The following CHD7 variants were observed in gnomAD, a reference collection of about 807,000 sequenced individuals.
CHD7 encodes the protein chromodomain helicase DNA binding protein 7.
Under a neutral mutation model 307.3 loss-of-function variants are expected in CHD7, and 24 were observed. The ratio of observed to expected loss-of-function variants is 0.08; its 90% CI spans 0.06 to 0.11. CHD7 has a LOEUF of 0.11. Among genes scored for constraint, CHD7 ranks in the 10% least tolerant of loss-of-function variants. CHD7 has a pLI of 1.00. For missense variants in CHD7, 3,106 were observed against 3,727.1 expected, an observed-to-expected ratio of 0.83 and a Z score of 4.34; for synonymous variants, 1,363 against 1,349.9, an observed-to-expected ratio of 1.01 and a Z score of -0.21.
intron 6 of CHD7, among the ~76,000 whole-genome samples, chr8:60,807,353 G>C (rs1478736686): frequency 6.6e-6 from 1 of 152,138 alleles, no homozygotes; most frequent in African/African-American, 2.4e-5. Context: ...TTAGATCCCT[G>C]ATTTATCTGA....
chr8:60,683,828 G>A (rs1001716950), intron 1 of CHD7, among the ~76,000 whole-genome samples: 9 of 151,976 alleles, frequency 5.9e-5, no homozygotes, highest in Non-Finnish European at 1.2e-4. Flanking sequence ...GTACCTTTAG[G>A]CTTTAGAATC....
intron 15 of CHD7, among the ~76,000 whole-genome samples, chr8:60,832,179 G>A (rs1232022322): frequency 6.6e-6 from 1 of 151,876 alleles, no homozygotes; most frequent in African/African-American, 2.4e-5. Context: ...GCGCCACAAC[G>A]CCCAGCTAAT....
At chr8:60,747,756 C>G (rs1450223677) in intron 2 of CHD7, among the ~76,000 whole-genome samples, 2 of 152,206 alleles carry the variant, frequency 1.3e-5, no homozygotes, top group African/African-American at 4.8e-5. Flanking sequence ...GCTTTGGAGT[C>G]TGAGTTTTTG....
intron 2 of CHD7, among the ~76,000 whole-genome samples, chr8:60,765,751 G>C (rs1267019933): frequency 6.6e-6 from 1 of 152,244 alleles, no homozygotes; most frequent in Non-Finnish European, 1.5e-5. Context: ...TCAGCTTTCA[G>C]TGTGGTTCAC....
At chr8:60,708,183 A>T in intron 1 of CHD7, among the ~76,000 whole-genome samples, 1 of 152,290 alleles carries the variant, frequency 6.6e-6, no homozygotes, top group African/African-American at 2.4e-5. Flanking sequence ...TGAATCTGGG[A>T]TTATTTTTAC....
At chr8:60,848,996 C>A in intron 24 of CHD7, 55 bp from the exon 25 acceptor site, 1 of 1,345,030 alleles carries the variant, frequency 7.4e-7, no homozygotes. Context: ...GTATCACATT[C>A]ATTACTTGGA....
At chr8:60,854,619 A>G in intron 32 of CHD7, 96 bp downstream of exon 32, 1 of 1,117,720 alleles carries the variant, frequency 8.9e-7, no homozygotes, top group Non-Finnish European at 1.3e-6. Context: ...TTTAAGGTAA[A>G]CTTTTGACAC....
intron 1 of CHD7, among the ~76,000 whole-genome samples, chr8:60,711,119 C>T (rs1247582593): frequency 6.6e-6 from 1 of 152,148 alleles, no homozygotes; most frequent in African/African-American, 2.4e-5. Flanking sequence ...TGTACAAGTA[C>T]CTCTAAGATC....
At chr8:60,738,931 T>G (rs1197628614) in intron 1 of CHD7, among the ~76,000 whole-genome samples, 1 of 152,166 alleles carries the variant, frequency 6.6e-6, no homozygotes, top group African/African-American at 2.4e-5. Flanking sequence ...AGGATCAGTA[T>G]GGGTACTCTC....
chr8:60,750,898 G>A (rs1809610024), intron 2 of CHD7, among the ~76,000 whole-genome samples: 1 of 152,214 alleles, frequency 6.6e-6, no homozygotes, highest in Admixed American at 6.5e-5. Flanking sequence ...CTCCAAGACA[G>A]GTGTTACCCA....
intron 2 of CHD7, among the ~76,000 whole-genome samples, chr8:60,775,353 T>TA (rs1007655140): frequency 4.6e-5 from 2 of 43,116 alleles, no homozygotes; most frequent in Non-Finnish European, 2.6e-4. Flanking sequence ...TATATGCTTA[T>TA]ACTACTTTAT....
At chr8:60,862,030 G>GT (rs1290605376) in intron 35 of CHD7, 166 bp from the exon 36 acceptor site, 4 of 567,238 alleles carry the variant, frequency 7.1e-6, no homozygotes, top group Admixed American at 3.7e-5. Context: ...TAAAATAGGA[G>GT]TTTTTTCTTT....
Position 60,841,913 on chromosome 8 carries a change from G to A in CHD7, c.4711G>A (p.Asp1571Asn). 2.5e-6 allele frequency: 4 copies of A among 1,611,588 alleles called. No individual in the cohort carries two copies. Among genetic ancestry groups the A allele is most frequent in the Non-Finnish European group, 3.4e-6 (4 of 1,178,672 alleles). Residue 1571 changes from aspartate to asparagine, a missense_variant, in exon 21 of 38, where the codon GAT becomes AAT. By Grantham distance (23) the Asp-to-Asn change is conservative. Coordinates refer to ENST00000423902, the MANE Select transcript of CHD7 (RefSeq NM_017780.4). Reference sequence around the variant, plus strand: ...CAGGCTCTACAGTGCAGTGAAGGAAGATGAGCTGATGGAGTTCTCAGACTT... The same window carrying A: ...CAGGCTCTACAGTGCAGTGAAGGAAAATGAGCTGATGGAGTTCTCAGACTT... ...QTRLYSAVKEDELMEFSDLES... is the reference protein window; with the variant it reads ...QTRLYSAVKENELMEFSDLES...
At chr8:60,804,295 C>T (rs944366885) in intron 6 of CHD7, among the ~76,000 whole-genome samples, 7 of 152,062 alleles carry the variant, frequency 4.6e-5, no homozygotes, top group African/African-American at 1.4e-4. Context: ...CAGCTTGTAG[C>T]TGTTTCTGCT....
At chr8:60,797,579 G>T (rs1351569041) in intron 4 of CHD7, among the ~76,000 whole-genome samples, 1 of 152,172 alleles carries the variant, frequency 6.6e-6, no homozygotes, top group Admixed American at 6.5e-5. Flanking sequence ...TGTGACAGTG[G>T]GGTCTTAAGC....
intron 9 of CHD7, among the ~76,000 whole-genome samples, chr8:60,820,882 A>T (rs1040087072): frequency 6.6e-6 from 1 of 152,168 alleles, no homozygotes; most frequent in Non-Finnish European, 1.5e-5. Flanking sequence ...ACTTCAAAAA[A>T]TTGTTTCATA....
chr8:60,867,563 T>C lies in CHD7; in HGVS notation c.*1630T>C, dbSNP rs1238757734. On this transcript the variant is annotated 3_prime_UTR_variant, in exon 38 of 38. Transcript: ENST00000423902. ...GAACCAACACAAAGCCATATTTCCA[T>C]CCAGTTAAAAAGCAGGGGAAGGGAT... The C allele has an allele frequency of 6.6e-6, 1 of 152,214 alleles. No individual in the cohort carries two copies. The highest frequency in any genetic ancestry group is 2.4e-5 in the African/African-American group (1 of 41,456). 9.4% of individuals were successfully genotyped at this position (152,214 alleles called of 1,614,324 possible).
chr8:60,770,611 C>T (rs1171746951), intron 2 of CHD7, among the ~76,000 whole-genome samples: 1 of 152,194 alleles, frequency 6.6e-6, no homozygotes, highest in African/African-American at 2.4e-5. Flanking sequence ...TTTAATATTG[C>T]TTATAACACA....
rs562824819 is a variant in CHD7, at chr8:60,803,453, T to G, written c.2442+1860T>G. Among the ~76,000 whole-genome samples the G allele has an allele frequency of 2.0e-4, 31 of 152,316 alleles. No homozygotes were observed. The South Asian group carries it at 2.1e-3, about 10-fold the overall frequency. ...ACCTTTTAAAAATAGGTACCCATGG[T>G]TTAGGAATAGATACTGTTAACCATT... On this transcript the variant is annotated intron_variant, in intron 6 of 37. Coordinates refer to ENST00000423902, the MANE Select transcript of CHD7 (RefSeq NM_017780.4).
Sources: gnomAD v4.1 joint callset for allele counts (sites outside exome capture counted in the v4.1 genomes callset) on GRCh38, gnomAD v4.1.1 for gene constraint, MANE v1.5 for transcripts, NCBI Gene and HGNC (gene_info 2026-07-23, HGNC 2026-07-21) for gene names.